Variants in RBMS3 observed in about 807,000 individuals in gnomAD.
RBMS3 encodes the protein RNA binding motif single stranded interacting protein 3, also known as RNA-binding motif, single-stranded-interacting protein 3.
A neutral mutation model predicts 66.8 loss-of-function variants in RBMS3; 27 were observed. The observed-to-expected ratio is 0.40, with a 90% CI of 0.30 to 0.56. The LOEUF (loss-of-function observed/expected upper bound fraction) is 0.56, where lower values mean the gene tolerates loss of function less well. Ranked by LOEUF, RBMS3 falls within the 20% of genes least tolerant of loss-of-function variation. The pLI, the probability that RBMS3 is intolerant of heterozygous loss-of-function variation, is 0.40. For missense variants in RBMS3, 513 were observed against 549.5 expected (o/e 0.93, Z 0.66); for synonymous variants, 188 against 183.0 (o/e 1.03, Z -0.22).
intron 3 of RBMS3, among the ~76,000 whole-genome samples, chr3:29,559,530 A>C (rs1242278038): frequency 3.8e-5 from 4 of 104,478 alleles, no homozygotes; most frequent in African/African-American, 1.1e-4. Flanking sequence ...AAAAAAAAAA[A>C]AAAAAAAAAA....
chr3:29,734,930 G>A (rs1559618416), intron 4 of RBMS3, among the ~76,000 whole-genome samples: 1 of 151,860 alleles, frequency 6.6e-6, no homozygotes, highest in Non-Finnish European at 1.5e-5. Context: ...TCACACTCCA[G>A]GTAGCTTAAG....
intron 4 of RBMS3, among the ~76,000 whole-genome samples, chr3:29,673,246 C>T (rs2051083934): frequency 6.6e-6 from 1 of 152,174 alleles, no homozygotes; most frequent in African/African-American, 2.4e-5. Context: ...ACATTTGAAG[C>T]AGTGTGTAGA....
intron 4 of RBMS3, among the ~76,000 whole-genome samples, chr3:29,737,541 A>G (rs1016684896): frequency 3.3e-5 from 5 of 152,170 alleles, no homozygotes; most frequent in African/African-American, 1.2e-4. Flanking sequence ...CCATTTCCTC[A>G]TTATCCAGTA....
intron 4 of RBMS3, among the ~76,000 whole-genome samples, chr3:29,729,932 G>A (rs2054059281): frequency 6.6e-6 from 1 of 151,836 alleles, no homozygotes; most frequent in African/African-American, 2.4e-5. Context: ...TCTACCTCAA[G>A]GGCTAAGGAA....
chr3:29,922,350 G>A (rs1248312036), intron 10 of RBMS3, among the ~76,000 whole-genome samples: 1 of 151,500 alleles, frequency 6.6e-6, no homozygotes, highest in Non-Finnish European at 1.5e-5. Context: ...AGCCGGGCGC[G>A]GTGGCGGGCG....
At chr3:29,325,787 C>A (rs977339890) in intron 1 of RBMS3, among the ~76,000 whole-genome samples, 3 of 151,910 alleles carry the variant, frequency 2.0e-5, no homozygotes, top group Admixed American at 6.6e-5. Context: ...TACTAAAAAA[C>A]CATTTCAAAT....
intron 1 of RBMS3, among the ~76,000 whole-genome samples, chr3:29,408,585 A>G (rs1269967110): frequency 1.3e-5 from 2 of 152,162 alleles, no homozygotes; most frequent in East Asian, 1.9e-4. Flanking sequence ...TAGGGGGGTT[A>G]TATGTCATAG....
chr3:29,359,013 C>G (rs1230573306), intron 1 of RBMS3, among the ~76,000 whole-genome samples: 1 of 152,322 alleles, frequency 6.6e-6, no homozygotes, highest in South Asian at 2.1e-4. Context: ...TTGACTTCCT[C>G]TTTTCCTAAT....
chr3:29,759,003 T>C (rs1460205995), intron 5 of RBMS3, among the ~76,000 whole-genome samples: 1 of 152,174 alleles, frequency 6.6e-6, no homozygotes, highest in Non-Finnish European at 1.5e-5. Flanking sequence ...TGGTTAATAA[T>C]GCTTACTGCT....
chr3:29,459,699 C>T (rs535934588), intron 2 of RBMS3, among the ~76,000 whole-genome samples: 5 of 152,314 alleles, frequency 3.3e-5, no homozygotes, highest in African/African-American at 1.2e-4. Context: ...AAGGGAAGGA[C>T]ATAATCACAA....
chr3:29,290,359 A>G (rs956414391), intron 1 of RBMS3, among the ~76,000 whole-genome samples: 11 of 151,784 alleles, frequency 7.2e-5, no homozygotes, highest in African/African-American at 2.7e-4. Context: ...AAAATTTCAG[A>G]TTGTTTTCCG....
chr3:29,656,787 T>C (rs1437939482), intron 4 of RBMS3, among the ~76,000 whole-genome samples: 1 of 152,212 alleles, frequency 6.6e-6, no homozygotes, highest in Non-Finnish European at 1.5e-5. Flanking sequence ...TTTTAATCAC[T>C]GGACTCTCCC....
intron 4 of RBMS3, among the ~76,000 whole-genome samples, chr3:29,589,403 A>G (rs781546917): frequency 2.0e-5 from 3 of 152,216 alleles, no homozygotes; most frequent in Non-Finnish European, 2.9e-5. Context: ...TGAGATTCCA[A>G]TTGGAATGTT....
chr3:29,411,005 A>C (rs1381359037), intron 1 of RBMS3, among the ~76,000 whole-genome samples: 3 of 151,892 alleles, frequency 2.0e-5, no homozygotes, highest in South Asian at 4.2e-4. Context: ...CATGTAAGCA[A>C]TTGGAAAAGG....
intron 1 of RBMS3, among the ~76,000 whole-genome samples, chr3:29,332,831 G>A (rs1431264741): frequency 6.6e-6 from 1 of 152,046 alleles, no homozygotes; most frequent in African/African-American, 2.4e-5. Context: ...AAATAAATAA[G>A]GAAATTTTAC....
intron 6 of RBMS3, among the ~76,000 whole-genome samples, chr3:29,825,714 C>T (rs2058194952): frequency 6.6e-6 from 1 of 152,140 alleles, no homozygotes; most frequent in African/African-American, 2.4e-5. Context: ...TTGGGTATGT[C>T]TTTATTAGCA....
intron 6 of RBMS3, among the ~76,000 whole-genome samples, chr3:29,850,283 T>G (rs566043587): frequency 5.8e-4 from 89 of 152,318 alleles, no homozygotes; most frequent in Non-Finnish European, 8.8e-5. Context: ...GAATAACTTT[T>G]TAATGCTTCT....
chr3:29,292,297 A>G (rs2032882294), intron 1 of RBMS3, among the ~76,000 whole-genome samples: 1 of 151,844 alleles, frequency 6.6e-6, no homozygotes, highest in Non-Finnish European at 1.5e-5. Flanking sequence ...CCACAGAGAA[A>G]TATGGAGGTG....
chr3:29,581,877 C>A (rs1460908840), intron 3 of RBMS3, among the ~76,000 whole-genome samples: 1 of 152,110 alleles, frequency 6.6e-6, no homozygotes, highest in African/African-American at 2.4e-5. Context: ...TACTTTCCCC[C>A]AATACACCCC....
Sources: gnomAD v4.1 joint callset for allele counts (sites outside exome capture counted in the v4.1 genomes callset) on GRCh38, gnomAD v4.1.1 for gene constraint, MANE v1.5 for transcripts, NCBI Gene and HGNC (gene_info 2026-07-23, HGNC 2026-07-21) for gene names.